The following SPSB1 variants were observed in gnomAD, a reference collection of about 807,000 sequenced individuals.
SPSB1 encodes the protein splA/ryanodine receptor domain and SOCS box containing 1.
Under a neutral mutation model 21.2 loss-of-function variants are expected in SPSB1, and 8 were observed. The ratio of observed to expected loss-of-function variants is 0.38; its 90% confidence interval spans 0.22 to 0.68. The LOEUF is 0.68. Among genes scored for constraint, SPSB1 ranks in the 30% least tolerant of loss-of-function variants. The probability of loss-of-function intolerance (pLI) is 0.53; values close to 1 mark genes in which losing one functional copy is unlikely to be tolerated. For missense variants in SPSB1, 242 were observed against 377.8 expected (o/e 0.64, Z 2.98); for synonymous variants, 169 against 161.7 (o/e 1.05, Z -0.34).
At chr1:9,344,335 G>T (rs1370301354) in intron 1 of SPSB1, among the ~76,000 whole-genome samples, 1 of 152,182 alleles carries the variant, frequency 6.6e-6, no homozygotes, top group African/African-American at 2.4e-5. Context: ...TGATGTTGCT[G>T]GTTGGGACCC....
chr1:9,360,555 G>T (rs756571750), intron 2 of SPSB1, among the ~76,000 whole-genome samples: 3 of 152,144 alleles, frequency 2.0e-5, no homozygotes, highest in Non-Finnish European at 4.4e-5. Flanking sequence ...GAGCTCTGAG[G>T]GGGAGCCCGC....
At chr1:9,339,921 G>A (rs1178995241) in intron 1 of SPSB1, among the ~76,000 whole-genome samples, 1 of 152,168 alleles carries the variant, frequency 6.6e-6, no homozygotes, top group African/African-American at 2.4e-5. Flanking sequence ...GCTTGGAGAG[G>A]GATGGGAGCC....
At chr1:9,318,145 C>T (rs1639644715) in intron 1 of SPSB1, among the ~76,000 whole-genome samples, 1 of 152,200 alleles carries the variant, frequency 6.6e-6, no homozygotes, top group African/African-American at 2.4e-5. Flanking sequence ...GAGGGTGGGG[C>T]CCTGGGGTCT....
At chr1:9,332,102 GCA>G (rs1272026075) in intron 1 of SPSB1, among the ~76,000 whole-genome samples, 1 of 151,908 alleles carries the variant, frequency 6.6e-6, no homozygotes, top group Non-Finnish European at 1.5e-5. Context: ...ATAAATCCCA[GCA>G]CTTTGGGAGG....
chr1:9,311,462 A>C (rs1463190022), intron 1 of SPSB1, among the ~76,000 whole-genome samples: 1 of 152,168 alleles, frequency 6.6e-6, no homozygotes, highest in African/African-American at 2.4e-5. Context: ...CACACCACCC[A>C]GCACCAACAA....
chr1:9,301,198 G>T (rs566658171), intron 1 of SPSB1, among the ~76,000 whole-genome samples: 1 of 152,266 alleles, frequency 6.6e-6, no homozygotes, highest in African/African-American at 2.4e-5. Flanking sequence ...TGGTGACAAA[G>T]AAAGCTGGGG....
At chr1:9,333,657 C>A (rs1445437226) in intron 1 of SPSB1, among the ~76,000 whole-genome samples, 1 of 152,166 alleles carries the variant, frequency 6.6e-6, no homozygotes, top group Non-Finnish European at 1.5e-5. Context: ...GAAGCGCCTG[C>A]GGTGTGAGCC....
chr1:9,293,254 C>T lies in SPSB1; in HGVS notation c.-150+183C>T, dbSNP rs952594141. On this transcript the variant is annotated intron_variant, in intron 1 of 2. Transcript: ENST00000328089. This position sits in a 1 kb window ranked among gnomAD's most constrained non-coding sequence, Gnocchi z 5.1. ...ATGGGGACTCGGGGCGCGGCCCCTCCCGCGGTGGCTCCGGGGGCGCCTCCC... is the reference window on the plus strand; with the variant it reads ...ATGGGGACTCGGGGCGCGGCCCCTCTCGCGGTGGCTCCGGGGGCGCCTCCC... Among the ~76,000 whole-genome samples the T allele has an allele frequency of 5.4e-5, 8 of 148,762 alleles. No individual in the cohort carries two copies. Among genetic ancestry groups the T allele is most frequent in the Admixed American group, 4.0e-4 (6 of 15,000 alleles).
intron 1 of SPSB1, among the ~76,000 whole-genome samples, chr1:9,296,182 CG>C (rs1327206621): frequency 6.6e-6 from 1 of 152,194 alleles, no homozygotes; most frequent in African/African-American, 2.4e-5. Flanking sequence ...CATGGTTTCA[CG>C]GTGCGTGCGA....
At chr1:9,361,159 T>TTTTTTTTTTCTTTTTTTTC (rs1557467291) in intron 2 of SPSB1, among the ~76,000 whole-genome samples, 2,390 of 33,160 alleles carry the variant, frequency 0.072, 214 homozygotes, top group African/African-American at 0.2. Context: ...TCATTTTCTT[T>TTTTTTTTTTCTTTTTTTTC]TTTTTTTTTT....
chr1:9,359,878 C>A (rs946793424), intron 2 of SPSB1, among the ~76,000 whole-genome samples: 1 of 150,904 alleles, frequency 6.6e-6, no homozygotes, highest in East Asian at 2.0e-4. Context: ...CGGCCCGGTT[C>A]CGGGACTCTT....
chr1:9,296,034 C>T (rs965332055), intron 1 of SPSB1, among the ~76,000 whole-genome samples: 1 of 152,036 alleles, frequency 6.6e-6, no homozygotes, highest in Non-Finnish European at 1.5e-5. Context: ...GAGTGCTCTC[C>T]CCTCCCCCAG....
intron 1 of SPSB1, among the ~76,000 whole-genome samples, chr1:9,340,200 C>G (rs534512878): frequency 6.6e-6 from 1 of 152,266 alleles, no homozygotes; most frequent in East Asian, 1.9e-4. Flanking sequence ...GACAGACTCT[C>G]CTTGGGCAGG....
chr1:9,357,124 G>A (rs1485516139), intron 2 of SPSB1, among the ~76,000 whole-genome samples: 90 of 140,292 alleles, frequency 6.4e-4, no homozygotes, highest in African/African-American at 2.1e-3. Flanking sequence ...TGGATGGATG[G>A]ATGGATGAGT....
chr1:9,324,753 C>T lies in SPSB1; in HGVS notation c.-149-30990C>T, dbSNP rs1639784631. Among the ~76,000 whole-genome samples, 1 of 152,192 alleles carries T rather than the reference C, an allele frequency of 6.6e-6. No homozygotes were observed. The highest frequency in any genetic ancestry group is 6.5e-5 in the Admixed American group (1 of 15,278). ...CTCTGGGAATGAGCACAGCCACCTC[C>T]GAGCCACAGCTCACTCTGACAAAAA... On this transcript the variant is annotated intron_variant, in intron 1 of 2. Transcript: ENST00000328089. This position sits in a 1 kb window ranked among gnomAD's most constrained non-coding sequence, Gnocchi z 4.3.
intron 1 of SPSB1, among the ~76,000 whole-genome samples, chr1:9,354,642 G>T (rs186396871): frequency 8.5e-5 from 13 of 152,134 alleles, no homozygotes; most frequent in African/African-American, 2.9e-4. Context: ...GTGAAACCCC[G>T]TCTCTACTAA....
chr1:9,315,838 A>G (rs960983612), intron 1 of SPSB1, among the ~76,000 whole-genome samples: 2 of 152,242 alleles, frequency 1.3e-5, no homozygotes, highest in Admixed American at 1.3e-4. Context: ...TCCAGTAACT[A>G]TGTGGGTGGA....
At chr1:9,308,108 T>C (rs115395114) in intron 1 of SPSB1, among the ~76,000 whole-genome samples, 2,582 of 152,352 alleles carry the variant, frequency 0.017, 86 homozygotes, top group African/African-American at 0.059. Flanking sequence ...CTTTAGCAAG[T>C]TACTGTCTTA....
At chr1:9,330,190 G>A (rs1639891391) in intron 1 of SPSB1, among the ~76,000 whole-genome samples, 1 of 152,202 alleles carries the variant, frequency 6.6e-6, no homozygotes, top group African/African-American at 2.4e-5. Context: ...GTACCAGGCT[G>A]GGCACGGTGG....
Sources: allele counts gnomAD v4.1 joint callset (sites outside exome capture counted in the v4.1 genomes callset), GRCh38; gene constraint gnomAD v4.1.1; non-coding constraint Gnocchi (gnomAD v3.1); transcripts MANE v1.5; gene names NCBI Gene and HGNC (gene_info 2026-07-23, HGNC 2026-07-21).